Variants in SCAPER observed in about 807,000 individuals in gnomAD.
SCAPER encodes the protein S phase cyclin A-associated protein in the endoplasmic reticulum.
SCAPER carries 98 observed loss-of-function variants against 182.2 expected under a neutral mutation model. The ratio of observed to expected loss-of-function variants is 0.54; its 90% CI spans 0.46 to 0.64. The LOEUF is 0.64. Ranked by LOEUF, SCAPER falls within the 30% of genes least tolerant of loss-of-function variation. SCAPER has a pLI of 0.00. For missense variants in SCAPER, 1,432 were observed against 1,690.0 expected, an observed-to-expected ratio of 0.85 and a Z score of 2.68; for synonymous variants, 605 against 564.6, an observed-to-expected ratio of 1.07 and a Z score of -1.01.
chr15:76,655,365 C>T (rs1450778774), intron 21 of SCAPER, among the ~76,000 whole-genome samples: 1 of 152,032 alleles, frequency 6.6e-6, no homozygotes, highest in Non-Finnish European at 1.5e-5. Context: ...GAAGAAGGAA[C>T]AAAACCTCTG....
chr15:76,810,647 A>T (rs185906186), intron 5 of SCAPER, among the ~76,000 whole-genome samples: 13 of 151,872 alleles, frequency 8.6e-5, no homozygotes, highest in Admixed American at 7.9e-4. Flanking sequence ...GTTAATTAAA[A>T]GGTAGTAATA....
At chr15:76,415,374 C>T (rs1331741875) in intron 26 of SCAPER, among the ~76,000 whole-genome samples, 2 of 152,030 alleles carry the variant, frequency 1.3e-5, no homozygotes, top group African/African-American at 4.8e-5. Context: ...GGTATATACC[C>T]TTGAGAAACT....
chr15:76,608,510 T>C (rs2050670750), intron 22 of SCAPER, among the ~76,000 whole-genome samples: 1 of 152,278 alleles, frequency 6.6e-6, no homozygotes, highest in Admixed American at 6.5e-5. Context: ...GATCTCAAGT[T>C]GCGTGCTGGG....
chr15:76,800,901 C>T (rs961887667), intron 6 of SCAPER, among the ~76,000 whole-genome samples: 8 of 152,158 alleles, frequency 5.3e-5, no homozygotes, highest in African/African-American at 1.4e-4. Flanking sequence ...CATAACTTAA[C>T]GTCTACTCCT....
chr15:76,593,370 G>C (rs1406291291), intron 22 of SCAPER, among the ~76,000 whole-genome samples: 3 of 121,340 alleles, frequency 2.5e-5, no homozygotes, highest in African/African-American at 7.5e-5. Context: ...GAGCACCTGG[G>C]GGAAGGGGCG....
chr15:76,807,173 T>C (rs916052324), intron 5 of SCAPER, among the ~76,000 whole-genome samples: 1 of 152,232 alleles, frequency 6.6e-6, no homozygotes, highest in African/African-American at 2.4e-5. Context: ...TCTTTCACCA[T>C]TAAGCATGAC....
At chr15:76,666,904 A>G (rs918246745) in intron 20 of SCAPER, among the ~76,000 whole-genome samples, 4 of 152,162 alleles carry the variant, frequency 2.6e-5, no homozygotes, top group African/African-American at 9.7e-5. Context: ...TCTAAGAGCA[A>G]GTCCTCCAAA....
chr15:76,414,201 T>C (rs920711610), intron 26 of SCAPER, among the ~76,000 whole-genome samples: 3 of 152,128 alleles, frequency 2.0e-5, no homozygotes, highest in Admixed American at 6.6e-5. Flanking sequence ...TTCCCTCCTC[T>C]CCCTTGAGAG....
At chr15:76,427,455 C>A (rs149163596) in intron 26 of SCAPER, among the ~76,000 whole-genome samples, 1 of 151,956 alleles carries the variant, frequency 6.6e-6, no homozygotes, top group Non-Finnish European at 1.5e-5. Context: ...AACAGGTATA[C>A]GAAAAAATGC....
chr15:76,896,447 A>G (rs1175949709), intron 1 of SCAPER, among the ~76,000 whole-genome samples: 1 of 152,176 alleles, frequency 6.6e-6, no homozygotes, highest in Non-Finnish European at 1.5e-5. Context: ...TACACTGAAA[A>G]CCATAAAACT....
intron 14 of SCAPER, among the ~76,000 whole-genome samples, chr15:76,759,155 G>C (rs1011725063): frequency 5.9e-5 from 9 of 152,058 alleles, no homozygotes; most frequent in African/African-American, 2.2e-4. Context: ...CCAAATCATA[G>C]AGAAAAAGCT....
intron 29 of SCAPER, among the ~76,000 whole-genome samples, chr15:76,360,840 C>G (rs2041356285): frequency 6.6e-6 from 1 of 152,120 alleles, no homozygotes; most frequent in African/African-American, 2.4e-5. Flanking sequence ...CAGGAGTGAA[C>G]TGTTGGAACA....
intron 25 of SCAPER, among the ~76,000 whole-genome samples, chr15:76,453,874 G>A (rs184821935): frequency 6.6e-6 from 1 of 152,276 alleles, no homozygotes; most frequent in African/African-American, 2.4e-5. Flanking sequence ...AATGATCCGA[G>A]ATACAGGTCT....
intron 2 of SCAPER, among the ~76,000 whole-genome samples, chr15:76,882,285 A>T (rs2073595804): frequency 6.6e-6 from 1 of 152,078 alleles, no homozygotes; most frequent in Non-Finnish European, 1.5e-5. Context: ...CAAGCTACTT[A>T]GGAGGCTGAG....
chr15:76,542,235 A>T (rs1285008371), intron 23 of SCAPER, among the ~76,000 whole-genome samples: 1 of 152,158 alleles, frequency 6.6e-6, no homozygotes, highest in African/African-American at 2.4e-5. Flanking sequence ...TAGAATCCAC[A>T]ACTCTGGCTG....
At chr15:76,376,825 G>A (rs906630254) in intron 28 of SCAPER, among the ~76,000 whole-genome samples, 53 of 151,996 alleles carry the variant, frequency 3.5e-4, no homozygotes, top group African/African-American at 1.1e-3. Context: ...TCTATAAACC[G>A]AAGGCTCCCA....
intron 5 of SCAPER, among the ~76,000 whole-genome samples, chr15:76,812,764 A>G (rs1348190973): frequency 6.6e-6 from 1 of 152,118 alleles, no homozygotes; most frequent in Non-Finnish European, 1.5e-5. Flanking sequence ...GAAAGCCTAA[A>G]CATGCCAGTA....
chr15:76,639,885 A>G (rs2053961755), intron 21 of SCAPER, among the ~76,000 whole-genome samples: 1 of 152,144 alleles, frequency 6.6e-6, no homozygotes, highest in South Asian at 2.1e-4. Context: ...ACCTGTGTTA[A>G]TTGTTACTTG....
At position 76,899,578 on chromosome 15, in the gene SCAPER, C is replaced by G. The variant is rs372515670; in HGVS notation, c.-60+5721G>C. On this transcript the variant is annotated intron_variant, in intron 1 of 31. Coordinates refer to ENST00000563290, the MANE Select transcript of SCAPER (RefSeq NM_020843.4). ...GCTAAGATTACAGCCTCTGCCCGCC[C>G]GCCACCCCGTCTAGGAAGTGAGCAG... is the stretch of plus-strand genomic sequence containing the variant. Among the ~76,000 whole-genome samples the G allele has an allele frequency of 4.6e-5, 7 of 152,304 alleles. No individual in the cohort carries two copies. In the East Asian group the frequency reaches 9.7e-4, roughly 21 times the overall value.
Sources: allele counts gnomAD v4.1 joint callset (sites outside exome capture counted in the v4.1 genomes callset), GRCh38; gene constraint gnomAD v4.1.1; transcripts MANE v1.5; gene names NCBI Gene and HGNC (gene_info 2026-07-23, HGNC 2026-07-21).